Variants in RGMA observed in about 807,000 individuals in gnomAD.
RGMA encodes the protein repulsive guidance molecule A.
In RGMA, 10 loss-of-function variants were observed where a neutral mutation model predicts 23.2. The observed-to-expected ratio is 0.43, with a 90% CI of 0.27 to 0.73. The LOEUF is 0.73. Ranked by LOEUF, RGMA falls within the 30% of genes least tolerant of loss-of-function variation. The pLI, the probability that RGMA is intolerant of heterozygous loss-of-function variation, is 0.20. For missense variants in RGMA, 547 were observed against 630.5 expected (o/e 0.87, Z 1.42); for synonymous variants, 308 against 279.3 (o/e 1.10, Z -1.03).
At position 93,045,600 on chromosome 15, in the gene RGMA, C is replaced by T. The variant is rs770739172; in HGVS notation, c.751G>A (p.Gly251Arg). Residue 251 changes from glycine to arginine, a missense_variant, in exon 4 of 4, where the codon GGG becomes AGG. This residue lies in a region of RGMA where 128 missense variants were observed against 191.7 expected (regional missense o/e 0.67). Coordinates refer to ENST00000329082, the MANE Select transcript of RGMA (RefSeq NM_020211.3). The surrounding 1 kb of genome is among the most constrained non-coding windows in gnomAD (Gnocchi z 6.9). Reference sequence around the variant, plus strand: ...AGGCTGTTGGCCCCGTGCTTGTCCCCACCGTTCTTAGAGCCATCCACGAAG... The same window carrying T: ...AGGCTGTTGGCCCCGTGCTTGTCCCTACCGTTCTTAGAGCCATCCACGAAG... ...AAFVDGSKNGGDKHGANSLKI... is the reference protein window; with the variant it reads ...AAFVDGSKNGRDKHGANSLKI... The T allele has an allele frequency of 9.3e-6, 15 of 1,613,338 alleles. No homozygotes were observed. Among genetic ancestry groups the T allele is most frequent in the Non-Finnish European group, 1.2e-5 (14 of 1,179,884 alleles).
chr15:93,066,127 T>G (rs769774187), intron 2 of RGMA: 2 of 1,364,510 alleles, frequency 1.5e-6, no homozygotes, highest in Non-Finnish European at 2.1e-6. Context: ...ACAGCTGCCC[T>G]TCACGGGCAC....
intron 2 of RGMA, among the ~76,000 whole-genome samples, chr15:93,069,410 G>A (rs555646407): frequency 1.3e-5 from 2 of 152,284 alleles, no homozygotes; most frequent in South Asian, 2.1e-4. Context: ...GCGCCTGGCC[G>A]ATGCATTTTT....
chr15:93,073,757 C>T (rs1596104747), intron 1 of RGMA: 1 of 1,537,158 alleles, frequency 6.5e-7, no homozygotes, highest in Non-Finnish European at 8.7e-7. Context: ...GGCCACCCAT[C>T]CTGACTGGGT....
At chr15:93,047,209 C>A (rs1006867349) in intron 3 of RGMA, among the ~76,000 whole-genome samples, 1 of 152,148 alleles carries the variant, frequency 6.6e-6, no homozygotes, top group Non-Finnish European at 1.5e-5. Flanking sequence ...GTTTCCTCTG[C>A]CGTCCGCGTC....
chr15:93,042,457 AC>A lies in RGMA; in HGVS notation c.*2540del, dbSNP rs34726844. ...CTCCAAACAACTGTATGGGACAGGC[AC>A]CCCCCCATCTTCCAGAGAACAGCAT... On this transcript the variant is annotated 3_prime_UTR_variant, in exon 4 of 4. Coordinates refer to ENST00000329082, the MANE Select transcript of RGMA (RefSeq NM_020211.3). 6.6e-6 allele frequency: 1 copy of A among 152,268 alleles called. No individual in the cohort carries two copies. The highest frequency in any genetic ancestry group is 1.5e-5 in the Non-Finnish European group (1 of 68,334). The allele number at this position is 152,268 out of a possible 1,614,324, so 9.4% of individuals were successfully genotyped here.
At position 93,045,261 on chromosome 15, in the gene RGMA, A is replaced by C; in HGVS notation, c.1090T>G (p.Cys364Gly). ...TCCTCCACCGGCAGCTTCTCCTTGCACTTGGCCACGGCTGTCTCGTATGGG... is the reference window on the plus strand; with the variant it reads ...TCCTCCACCGGCAGCTTCTCCTTGCCCTTGGCCACGGCTGTCTCGTATGGG... ...TFPYETAVAK[C>G]KEKLPVEDLY... Residue 364 changes from cysteine to glycine, a missense_variant, in exon 4 of 4, where the codon TGC becomes GGC. Coordinates refer to ENST00000329082, the MANE Select transcript of RGMA (RefSeq NM_020211.3). The surrounding 1 kb of genome is among the most constrained non-coding windows in gnomAD (Gnocchi z 6.9). The C allele has an allele frequency of 6.2e-7, 1 of 1,612,462 alleles. No individual in the cohort carries two copies. Among genetic ancestry groups the C allele is most frequent in the Non-Finnish European group, 8.5e-7 (1 of 1,179,654 alleles).
intron 1 of RGMA, among the ~76,000 whole-genome samples, chr15:93,082,688 T>TAACAAAAAA (rs1450969353): frequency 6.6e-6 from 1 of 152,178 alleles, no homozygotes; most frequent in Non-Finnish European, 1.5e-5. Flanking sequence ...TATAAAAACT[T>TAACAAAAAA]TTTAAGAAGA....
chr15:93,051,156 G>A (rs912809312), intron 3 of RGMA, among the ~76,000 whole-genome samples: 2 of 152,242 alleles, frequency 1.3e-5, no homozygotes, highest in African/African-American at 4.8e-5. Flanking sequence ...GGCCACCGGA[G>A]CAGAGGGAAG....
At chr15:93,046,811 G>A (rs1881840) in intron 3 of RGMA, among the ~76,000 whole-genome samples, 147,735 of 152,132 alleles carry the variant, frequency 0.97, 71,760 homozygotes, top group East Asian at 1. Context: ...AGCCTTGGCC[G>A]GGGCTGGAGC....
chr15:93,045,189 C>T lies in RGMA; in HGVS notation c.1162G>A (p.Val388Met), dbSNP rs1168338654. Reference sequence around the variant, plus strand: ...TAGTAGGCGGCCAGTGTGAAGTTCACGTCGCCCGTGGTGAGGAGGTCGAAG... The same window carrying T: ...TAGTAGGCGGCCAGTGTGAAGTTCATGTCGCCCGTGGTGAGGAGGTCGAAG... Reference protein sequence around the residue: ...CVFDLLTTGDVNFTLAAYYAL... With the variant: ...CVFDLLTTGDMNFTLAAYYAL... The change falls in exon 4 of 4, where the codon GTG becomes ATG. Residue 388 changes from valine (V) to methionine (M), a missense_variant. This residue lies in a region of RGMA where 205 missense variants were observed against 204.1 expected (regional missense o/e 1.00). Transcript: ENST00000329082. The surrounding 1 kb of genome is among the most constrained non-coding windows in gnomAD (Gnocchi z 6.9). 1 of 1,609,472 alleles carries T rather than the reference C, an allele frequency of 6.2e-7. No homozygotes were observed. The highest frequency in any genetic ancestry group is 8.5e-7 in the Non-Finnish European group (1 of 1,177,976).
At chr15:93,047,394 C>T (rs1567179097) in intron 3 of RGMA, among the ~76,000 whole-genome samples, 1 of 152,194 alleles carries the variant, frequency 6.6e-6, no homozygotes, top group African/African-American at 2.4e-5. Flanking sequence ...GCAGCTGGAA[C>T]CTGGACTCCC....
Position 93,052,221 on chromosome 15 carries a change from C to T in RGMA, c.417G>A (p.Ser139=), listed in dbSNP as rs528853345. The T allele has an allele frequency of 1.9e-5, 31 of 1,608,572 alleles. No individual in the cohort carries two copies. The highest frequency in any genetic ancestry group is 1.1e-4 in the East Asian group (5 of 44,716). The part of the protein sequence containing the change: ...LPPAGDSQER[S]DSPEICHYEK... ...CGTAATGGCAGATCTCGGGGCTGTCCGAGCGCTCCTGGCTGTCTCCGGCCG... is the reference window on the plus strand; with the variant it reads ...CGTAATGGCAGATCTCGGGGCTGTCTGAGCGCTCCTGGCTGTCTCCGGCCG... The change falls in exon 3 of 4, where the codon TCG becomes TCA. Residue 139 remains serine, a synonymous_variant. Transcript: ENST00000329082.
At chr15:93,066,512 G>A (rs1895158362) in intron 2 of RGMA, 2 of 496,140 alleles carry the variant, frequency 4.0e-6, no homozygotes, top group South Asian at 1.7e-5. Flanking sequence ...GGCCCGAGGC[G>A]ACTCCGCCCC....
intron 1 of RGMA, among the ~76,000 whole-genome samples, chr15:93,076,749 C>T (rs1024272366): frequency 2.0e-5 from 3 of 152,158 alleles, no homozygotes; most frequent in Admixed American, 6.5e-5. Flanking sequence ...AGGCTGGGAA[C>T]GCTTAAGTAC....
chr15:93,055,870 G>C (rs111709280), intron 2 of RGMA, among the ~76,000 whole-genome samples: 3 of 152,180 alleles, frequency 2.0e-5, no homozygotes, highest in African/African-American at 7.2e-5. Context: ...CTTCGTGATC[G>C]GGATCTGCTA....
At chr15:93,087,290 A>G (rs2141851767) in intron 1 of RGMA, among the ~76,000 whole-genome samples, 1 of 152,244 alleles carries the variant, frequency 6.6e-6, no homozygotes, top group South Asian at 2.1e-4. Flanking sequence ...AAAACCAGCC[A>G]CAGAGAACGT....
At chr15:93,060,930 G>A (rs981230401) in intron 2 of RGMA, among the ~76,000 whole-genome samples, 1 of 152,210 alleles carries the variant, frequency 6.6e-6, no homozygotes, top group Non-Finnish European at 1.5e-5. Context: ...TGTGATTGTC[G>A]AGGATGGCCC....
Position 93,045,796 on chromosome 15 carries a change from CAGGA to C in RGMA, c.646-95_646-92del. On this transcript the variant is annotated intron_variant, in intron 3 of 3. Transcript: ENST00000329082. This position sits in a 1 kb window ranked among gnomAD's most constrained non-coding sequence, Gnocchi z 6.9. ...AAGATGCTCTAGACTGAGAGGAGGG[CAGGA>C]AGGATCCCCAGGGATGCCCCAGACA... 1 of 946,734 alleles carries C rather than the reference CAGGA, an allele frequency of 1.1e-6. No homozygotes were observed. 58.6% of individuals were successfully genotyped at this position (946,734 alleles called of 1,614,324 possible).
chr15:93,043,353 C>T lies in RGMA; in HGVS notation c.*1645G>A, dbSNP rs1254979666. 1.3e-5 allele frequency: 2 copies of T among 152,456 alleles called. No individual in the cohort carries two copies. The highest frequency in any genetic ancestry group is 2.9e-5 in the Non-Finnish European group (2 of 68,066). The allele number at this position is 152,456 out of a possible 1,614,324, so 9.4% of individuals were successfully genotyped here. ...GGATCCCACCACCAAAGTCCATCCT[C>T]CACCCGCCTCAAGGGAGCCAAAGTC... On this transcript the variant is annotated 3_prime_UTR_variant, in exon 4 of 4. Coordinates refer to ENST00000329082, the MANE Select transcript of RGMA (RefSeq NM_020211.3).
Sources: gnomAD v4.1 joint callset for allele counts (sites outside exome capture counted in the v4.1 genomes callset) on GRCh38, gnomAD v4.1.1 for gene constraint, gnomAD v4.1.1 regional missense constraint, Gnocchi (gnomAD v3.1) non-coding constraint, MANE v1.5 for transcripts, NCBI Gene and HGNC (gene_info 2026-07-23, HGNC 2026-07-21) for gene names.